Variants in CSMD1 observed in about 807,000 individuals in gnomAD.
The protein encoded by CSMD1 is CUB and Sushi multiple domains 1.
In CSMD1, 213 loss-of-function variants were observed where a neutral mutation model predicts 417.5. The ratio of observed to expected loss-of-function variants is 0.51; its 90% CI spans 0.46 to 0.57. The LOEUF is 0.57. Among genes scored for constraint, CSMD1 ranks in the 20% least tolerant of loss-of-function variants. The pLI, the probability that CSMD1 is intolerant of heterozygous loss-of-function variation, is 0.00. For missense variants in CSMD1, 6,923 were observed against 4,529.7 expected, an observed-to-expected ratio of 1.53 and a Z score of -15.17; for synonymous variants, 2,862 against 1,736.8, an observed-to-expected ratio of 1.65 and a Z score of -16.11.
intron 18 of CSMD1, among the ~76,000 whole-genome samples, chr8:3,386,817 C>T (rs977904514): frequency 6.6e-6 from 1 of 152,060 alleles, no homozygotes; most frequent in East Asian, 1.9e-4. Context: ...TATTCATGGT[C>T]AAGGGCAAAA....
At chr8:3,973,277 T>A (rs1226067545) in intron 5 of CSMD1, among the ~76,000 whole-genome samples, 2 of 152,162 alleles carry the variant, frequency 1.3e-5, no homozygotes, top group African/African-American at 2.4e-5. Context: ...ATGAGCCTCT[T>A]TAGGGTTCTC....
At chr8:4,366,114 T>A (rs560049806) in intron 3 of CSMD1, among the ~76,000 whole-genome samples, 1 of 152,198 alleles carries the variant, frequency 6.6e-6, no homozygotes, top group South Asian at 2.1e-4. Context: ...CGGCACCTGT[T>A]GTTCCCTACT....
In CSMD1 at chr8:4,158,021, G is replaced by T. The variant is rs1244078695; in HGVS notation, c.416-125922C>A. Among the ~76,000 whole-genome samples the T allele has an allele frequency of 2.0e-5, 3 of 151,994 alleles. 1 individual carries two copies. Among genetic ancestry groups the T allele is most frequent in the Admixed American group, 2.0e-4 (3 of 15,266 alleles). On this transcript the variant is annotated intron_variant, in intron 3 of 69. Coordinates refer to ENST00000635120, the MANE Select transcript of CSMD1 (RefSeq NM_033225.6). ...TTCCTGCTCAACTGCCCCCATACAC[G>T]GAACCAATGCCTGCTCAAAGCTCCT...
chr8:4,823,731 G>A (rs1585161940), intron 1 of CSMD1, among the ~76,000 whole-genome samples: 1 of 151,852 alleles, frequency 6.6e-6, no homozygotes, highest in Non-Finnish European at 1.5e-5. Context: ...CTACAGAAGT[G>A]AAATGAGTTG....
intron 5 of CSMD1, among the ~76,000 whole-genome samples, chr8:3,902,489 T>C (rs1271235481): frequency 1.3e-5 from 2 of 152,084 alleles, no homozygotes; most frequent in African/African-American, 4.8e-5. Flanking sequence ...AGGGGATAGT[T>C]TGGGATGAAA....
chr8:4,782,897 G>A (rs888176751), intron 1 of CSMD1, among the ~76,000 whole-genome samples: 49 of 150,738 alleles, frequency 3.3e-4, no homozygotes, highest in African/African-American at 1.2e-3. Flanking sequence ...GTTTTTTGGA[G>A]GCAGAAAAGT....
At chr8:4,021,641 C>G (rs772985472) in intron 4 of CSMD1, among the ~76,000 whole-genome samples, 1 of 152,186 alleles carries the variant, frequency 6.6e-6, no homozygotes, top group Non-Finnish European at 1.5e-5. Context: ...TTTAAACTCT[C>G]TCTCCCCATC....
At chr8:3,790,850 C>G (rs1377569549) in intron 5 of CSMD1, among the ~76,000 whole-genome samples, 1 of 152,140 alleles carries the variant, frequency 6.6e-6, no homozygotes, top group Admixed American at 6.5e-5. Flanking sequence ...AACCGTCCCT[C>G]TCCCAGGCAG....
At chr8:3,165,993 G>T (rs1320998832) in intron 37 of CSMD1, among the ~76,000 whole-genome samples, 1 of 152,114 alleles carries the variant, frequency 6.6e-6, no homozygotes, top group African/African-American at 2.4e-5. Flanking sequence ...GTCTATTGAT[G>T]AATTTTTGGT....
intron 7 of CSMD1, among the ~76,000 whole-genome samples, chr8:3,633,635 T>A (rs972401128): frequency 6.6e-6 from 1 of 152,218 alleles, no homozygotes; most frequent in African/African-American, 2.4e-5. Flanking sequence ...ATTTAAAAAA[T>A]GTTAATGACA....
intron 1 of CSMD1, among the ~76,000 whole-genome samples, chr8:4,981,726 G>A (rs763233648): frequency 2.2e-4 from 33 of 152,242 alleles, no homozygotes; most frequent in Admixed American, 1.0e-3. Context: ...GCTGATGTCC[G>A]TGCCCTAGGG....
chr8:3,566,298 T>C (rs2116893176), intron 10 of CSMD1, among the ~76,000 whole-genome samples: 1 of 152,214 alleles, frequency 6.6e-6, no homozygotes, highest in East Asian at 1.9e-4. Context: ...GACTTAGTAT[T>C]TGGCAAATAA....
chr8:3,070,067 C>A (rs11779935), intron 49 of CSMD1, among the ~76,000 whole-genome samples: 2,263 of 152,282 alleles, frequency 0.015, 25 homozygotes, highest in South Asian at 0.038. Flanking sequence ...AGCCAGTATG[C>A]GGAAAGCAGC....
chr8:3,457,467 A>C (rs983216411), intron 12 of CSMD1, among the ~76,000 whole-genome samples: 2 of 152,194 alleles, frequency 1.3e-5, no homozygotes, highest in African/African-American at 4.8e-5. Flanking sequence ...TCACATGTTA[A>C]AGCAAGAGGT....
intron 23 of CSMD1, among the ~76,000 whole-genome samples, chr8:3,336,223 G>C (rs996921572): frequency 2.0e-5 from 3 of 152,136 alleles, no homozygotes; most frequent in African/African-American, 7.2e-5. Flanking sequence ...GCCTTCGTGT[G>C]TGAGTTACAA....
intron 51 of CSMD1, among the ~76,000 whole-genome samples, chr8:3,026,480 C>G (rs560498917): frequency 1.3e-5 from 2 of 151,710 alleles, no homozygotes; most frequent in African/African-American, 4.8e-5. Context: ...CTGGACCTCA[C>G]TGGGCTTGAC....
chr8:3,160,930 C>G (rs1390396157), intron 38 of CSMD1, among the ~76,000 whole-genome samples: 2 of 152,188 alleles, frequency 1.3e-5, no homozygotes, highest in East Asian at 1.9e-4. Flanking sequence ...AATGTACATG[C>G]AGAAACTGAA....
At chr8:3,762,427 T>A (rs537960810) in intron 5 of CSMD1, among the ~76,000 whole-genome samples, 1 of 152,338 alleles carries the variant, frequency 6.6e-6, no homozygotes, top group South Asian at 2.1e-4. Context: ...CACGCCAGAC[T>A]TACCCTTTGC....
At chr8:4,793,274 T>G (rs1797791932) in intron 1 of CSMD1, among the ~76,000 whole-genome samples, 1 of 152,178 alleles carries the variant, frequency 6.6e-6, no homozygotes, top group Non-Finnish European at 1.5e-5. Context: ...TGTATTTGTT[T>G]TAGGCTGGAA....
Sources: gnomAD v4.1 joint callset for allele counts (sites outside exome capture counted in the v4.1 genomes callset) on GRCh38, gnomAD v4.1.1 for gene constraint, MANE v1.5 for transcripts, NCBI Gene and HGNC (gene_info 2026-07-23, HGNC 2026-07-21) for gene names.